Variants in KMT2B observed in about 807,000 individuals in gnomAD.
The protein encoded by KMT2B is lysine methyltransferase 2B.
KMT2B carries 22 observed loss-of-function variants against 255.3 expected under a neutral mutation model. That is an observed-to-expected ratio of 0.09 (90% confidence interval 0.06 to 0.12). The LOEUF (loss-of-function observed/expected upper bound fraction) is 0.12, where lower values mean the gene tolerates loss of function less well. Among genes scored for constraint, KMT2B ranks in the 10% least tolerant of loss-of-function variants. The pLI is 1.00. For missense variants in KMT2B, 3,149 were observed against 3,737.0 expected, an observed-to-expected ratio of 0.84 and a Z score of 4.10; for synonymous variants, 1,730 against 1,498.1, an observed-to-expected ratio of 1.15 and a Z score of -3.57.
Position 35,721,221 on chromosome 19 carries a change from CTCCACCTCCCCCGG to C in KMT2B, c.1875_1888del (p.Pro627LeufsTer44). The C allele has an allele frequency of 1.3e-6, 2 of 1,492,350 alleles. No homozygotes were observed. Among genetic ancestry groups the C allele is most frequent in the Non-Finnish European group, 1.8e-6 (2 of 1,108,078 alleles). The allele number at this position is 1,492,350 out of a possible 1,614,324, so 92.4% of individuals were successfully genotyped here. A position where few individuals can be genotyped will look rare whatever the true frequency, so the allele number is the denominator to read the frequency against. ...GAGCTGCCCCCTCCTCCCCCAGCCCCTCCACCTCCCCCGGCCCCCTCCCCACCCCCTGCTCCTGC... is the reference window on the plus strand; with the variant it reads ...GAGCTGCCCCCTCCTCCCCCAGCCCCCCCCCTCCCCACCCCCTGCTCCTGC... On this transcript the variant is annotated frameshift_variant, in exon 3 of 37. Transcript: ENST00000420124. LOFTEE classifies it high-confidence loss of function.
At chr19:35,722,924 A>G (rs1389314000) in intron 5 of KMT2B, 71 bp from the exon 6 acceptor site, 1 of 1,460,642 alleles carries the variant, frequency 6.8e-7, no homozygotes, top group African/African-American at 1.4e-5. Flanking sequence ...AGGTTGTGGG[A>G]AAGCAGGGAA....
At position 35,722,559 on chromosome 19, in the gene KMT2B, C is replaced by T. The variant is rs11084828; in HGVS notation, c.2572-9C>T. 233,122 of 1,597,962 alleles carry T rather than the reference C, an allele frequency of 0.15. 17,953 individuals are homozygous for T. The highest frequency in any genetic ancestry group is 0.26 in the South Asian group (22,928 of 89,716). ...AAGCTGCCCACACACACTCCGATTT[C>T]TCCCCCAGGGTCCCGAGTCCCCTGT... is the stretch of plus-strand genomic sequence containing the variant. On this transcript the variant is annotated splice_polypyrimidine_tract_variant and intron_variant, in intron 4 of 36. Coordinates refer to ENST00000420124, the MANE Select transcript of KMT2B (RefSeq NM_014727.3).
Position 35,738,224 on chromosome 19 carries a change from G to A in KMT2B, c.7872+33G>A. 2.5e-6 allele frequency: 4 copies of A among 1,613,464 alleles called. No individual in the cohort carries two copies. The highest frequency in any genetic ancestry group is 3.4e-6 in the Non-Finnish European group (4 of 1,179,642). On this transcript the variant is annotated intron_variant, in intron 36 of 36. Transcript: ENST00000420124. This position sits in a 1 kb window ranked among gnomAD's most constrained non-coding sequence, Gnocchi z 8.7. ...CCCAGTGGCTGTGGGAAGACAGTGG[G>A]TGAAGCGAGCCTGTCCGCGGGGACA...
intron 3 of KMT2B, 130 bp downstream of exon 3, chr19:35,721,934 A>G (rs1176309308): frequency 4.0e-6 from 5 of 1,247,860 alleles, no homozygotes; most frequent in African/African-American, 1.5e-5. Flanking sequence ...CCTTTCTGTG[A>G]TCCCCCACCT....
chr19:35,733,887 T>C lies in KMT2B; in HGVS notation c.7159+15T>C. 6.3e-7 allele frequency: 1 copy of C among 1,577,632 alleles called. No homozygotes were observed. Among genetic ancestry groups the C allele is most frequent in the South Asian group, 1.1e-5 (1 of 89,752 alleles). ...CCACTATTCAGGTAGGGACCGGCCT[T>C]GCCCTCTCCCTCCTTGCCTGTGCCT... is the stretch of plus-strand genomic sequence containing the variant. On this transcript the variant is annotated intron_variant, in intron 30 of 36. Coordinates refer to ENST00000420124, the MANE Select transcript of KMT2B (RefSeq NM_014727.3). The surrounding 1 kb of genome is among the most constrained non-coding windows in gnomAD (Gnocchi z 4.3).
rs1289594946 is a variant in KMT2B, at chr19:35,738,589, CT to C, written c.*33del. 1 of 1,597,770 alleles carries C rather than the reference CT, an allele frequency of 6.3e-7. No homozygotes were observed. The highest frequency in any genetic ancestry group is 8.5e-7 in the Non-Finnish European group (1 of 1,170,240). ...GGCTGCCCACCACGACCCCTCACAC[CT>C]CCTGCTGCCGTCGCTGCCATCTTGC... On this transcript the variant is annotated 3_prime_UTR_variant, in exon 37 of 37. Transcript: ENST00000420124. The surrounding 1 kb of genome is among the most constrained non-coding windows in gnomAD (Gnocchi z 8.7).
In KMT2B at chr19:35,728,997, A is replaced by G. The variant is rs1265798445; in HGVS notation, c.4700A>G (p.Lys1567Arg). ...ATTTCCTCTTCAGCATTCCAGGGCA[A>G]GGATCCGGCTGCCTTCTCACACCTG... is the stretch of plus-strand genomic sequence containing the variant. ...PGDPSAAFQG[K>R]DPAAFSHLED... is the part of the protein sequence containing the mutation. Residue 1567 changes from lysine (K) to arginine (R), a missense_variant, in exon 21 of 37, where the codon AAG becomes AGG. By Grantham distance (26) the Lys-to-Arg change is conservative. This residue lies in a region of KMT2B where 377 missense variants were observed against 471.0 expected (regional missense o/e 0.80). Coordinates refer to ENST00000420124, the MANE Select transcript of KMT2B (RefSeq NM_014727.3). 1 of 1,613,924 alleles carries G rather than the reference A, an allele frequency of 6.2e-7. No homozygotes were observed. The highest frequency in any genetic ancestry group is 1.7e-5 in the Admixed American group (1 of 60,018).
Position 35,732,919 on chromosome 19 carries a change from C to T in KMT2B, c.6370C>T (p.Pro2124Ser), listed in dbSNP as rs767450776. ...TTTTGTGTTGAAGAACCTAGGGGGT[C>T]CTGGGGATGGAGGTGCTGGCCCTAG... ...VDFVLKNLGG[P>S]GDGGAGPREE... The change falls in exon 28 of 37, where the codon CCT (proline) becomes TCT (serine). Residue 2124 changes from proline (P) to serine (S), a missense_variant. Physicochemically the swap from Pro to Ser is moderately conservative, Grantham distance 74. Coordinates refer to ENST00000420124, the MANE Select transcript of KMT2B (RefSeq NM_014727.3). 4 of 1,609,046 alleles carry T rather than the reference C, an allele frequency of 2.5e-6. No individual in the cohort carries two copies. Among genetic ancestry groups the T allele is most frequent in the African/African-American group, 2.7e-5 (2 of 74,852 alleles).
rs1969987778 is a variant in KMT2B at position 35,738,000 on chromosome 19, G to C, written c.7742+58G>C. The C allele has an allele frequency of 6.2e-7, 1 of 1,611,874 alleles. No homozygotes were observed. The highest frequency in any genetic ancestry group is 1.7e-5 in the Admixed American group (1 of 59,636). On this transcript the variant is annotated intron_variant, in intron 35 of 36. Transcript: ENST00000420124. This position sits in a 1 kb window ranked among gnomAD's most constrained non-coding sequence, Gnocchi z 5.3. ...GGTGGACGGACAGGTGCACTGGGTAGGGGGTACTGTCTGGTTTCTGTCCCC... is the reference window on the plus strand; with the variant it reads ...GGTGGACGGACAGGTGCACTGGGTACGGGGTACTGTCTGGTTTCTGTCCCC...
Position 35,720,919 on chromosome 19 carries a change from C to T in KMT2B, c.1572C>T (p.Ile524=). The T allele has an allele frequency of 6.2e-7, 1 of 1,610,484 alleles. No individual in the cohort carries two copies. Among genetic ancestry groups the T allele is most frequent in the Non-Finnish European group, 8.5e-7 (1 of 1,178,726 alleles). Residue 524 remains isoleucine (I), a synonymous_variant, in exon 3 of 37, where the codon ATC becomes ATT. Transcript: ENST00000420124. ...APKSTTFLKN[I]RQFIMPVVSA... ...AAAGCACCACCTTCCTGAAGAATATCCGGCAGTTTATTATGCCTGTGGTGA... is the reference window on the plus strand; with the variant it reads ...AAAGCACCACCTTCCTGAAGAATATTCGGCAGTTTATTATGCCTGTGGTGA...
chr19:35,738,349 C>T lies in KMT2B; in HGVS notation c.7940C>T (p.Ala2647Val). The T allele has an allele frequency of 6.2e-7, 1 of 1,613,910 alleles. No homozygotes were observed. Among genetic ancestry groups the T allele is most frequent in the Non-Finnish European group, 8.5e-7 (1 of 1,179,856 alleles). Residue 2647 changes from alanine to valine, a missense_variant, in exon 37 of 37, where the codon GCC becomes GTC. By Grantham distance (64) the Ala-to-Val change is moderately conservative. This residue lies in a region of KMT2B where 56 missense variants were observed against 238.8 expected (regional missense o/e 0.23). Coordinates refer to ENST00000420124, the MANE Select transcript of KMT2B (RefSeq NM_014727.3). The surrounding 1 kb of genome is among the most constrained non-coding windows in gnomAD (Gnocchi z 8.7). ...DVVDATMHGN[A>V]ARFINHSCEP... ...GTGGACGCCACGATGCATGGCAATG[C>T]CGCCCGCTTCATCAACCACTCCTGT...
Position 35,737,026 on chromosome 19 carries a change from C to G in KMT2B, c.7372+40C>G. ...CCACAGGGGGCAGGGAGCTGGATGT[C>G]TCCCCGAGGGCACCATGGGCCCTCC... On this transcript the variant is annotated intron_variant, in intron 32 of 36. Transcript: ENST00000420124. This position sits in a 1 kb window ranked among gnomAD's most constrained non-coding sequence, Gnocchi z 5.3. The G allele has an allele frequency of 1.2e-6, 2 of 1,610,534 alleles. No homozygotes were observed. Among genetic ancestry groups the G allele is most frequent in the South Asian group, 2.2e-5 (2 of 90,694 alleles).
At position 35,724,696 on chromosome 19, in the gene KMT2B, G is replaced by A; in HGVS notation, c.3394G>A (p.Val1132Met). The A allele has an allele frequency of 1.9e-6, 3 of 1,600,668 alleles. No individual in the cohort carries two copies. Among genetic ancestry groups the A allele is most frequent in the Non-Finnish European group, 2.6e-6 (3 of 1,173,996 alleles). The change falls in exon 9 of 37, where the codon GTG becomes ATG. Residue 1132 changes from valine (V) to methionine (M), a missense_variant. Val to Met is a conservative substitution (Grantham distance 21). Around this residue, in one of 18 missense-constraint regions of KMT2B, gnomAD observed 136 missense variants for 137.3 expected, o/e 0.99. Coordinates refer to ENST00000420124, the MANE Select transcript of KMT2B (RefSeq NM_014727.3). ...SRPRKPTLQPVLQLKARRRLD... is the reference protein window; with the variant it reads ...SRPRKPTLQPMLQLKARRRLD... The stretch of plus-strand genomic sequence containing the variant: ...GCCCCGCAAACCTACCCTGCAGCCT[G>A]TGTTGCAGCTCAAGGCCCGAAGGCG...
chr19:35,733,449 G>A lies in KMT2B; in HGVS notation c.6900G>A (p.Leu2300=). 6.4e-7 allele frequency: 1 copy of A among 1,559,884 alleles called. No individual in the cohort carries two copies. The highest frequency in any genetic ancestry group is 8.7e-7 in the Non-Finnish European group (1 of 1,152,234). ...CTCCCCCATACAAAGCCCCCCGGCT[G>A]GATGAAGATGGAGAGGCCTCAGAGG... ...PAPPPYKAPR[L]DEDGEASEDT... Residue 2300 remains leucine (L), a synonymous_variant, in exon 28 of 37, where the codon CTG becomes CTA. Coordinates refer to ENST00000420124, the MANE Select transcript of KMT2B (RefSeq NM_014727.3). This position sits in a 1 kb window ranked among gnomAD's most constrained non-coding sequence, Gnocchi z 4.3.
chr19:35,719,605 G>C (rs544931926), intron 2 of KMT2B, 64 bp downstream of exon 2: 8 of 1,529,394 alleles, frequency 5.2e-6, no homozygotes, highest in African/African-American at 4.1e-5. Context: ...CTTCGTGTCA[G>C]CTCTTCCCTG....
intron 3 of KMT2B, among the ~76,000 whole-genome samples, chr19:35,722,112 C>A (rs186359286): frequency 6.6e-6 from 1 of 151,750 alleles, no homozygotes; most frequent in Admixed American, 6.6e-5. Context: ...TCAAGAGATT[C>A]TCCTGCCTCA....
chr19:35,723,526 C>G lies in KMT2B; in HGVS notation c.3058+24C>G. ...AGGTGACGAGCTTTAAGGAGCATTT[C>G]TTCTCAAAACCGTGTTAGAGTTTGT... On this transcript the variant is annotated intron_variant, in intron 7 of 36. Coordinates refer to ENST00000420124, the MANE Select transcript of KMT2B (RefSeq NM_014727.3). The surrounding 1 kb of genome is among the most constrained non-coding windows in gnomAD (Gnocchi z 7.5). 1 of 1,552,848 alleles carries G rather than the reference C, an allele frequency of 6.4e-7. No individual in the cohort carries two copies. Among genetic ancestry groups the G allele is most frequent in the Non-Finnish European group, 8.7e-7 (1 of 1,148,074 alleles).
At chr19:35,730,252 C>T (rs1267623348) in intron 23 of KMT2B, 90 bp from the exon 24 acceptor site, 2 of 1,597,114 alleles carry the variant, frequency 1.3e-6, no homozygotes, top group Admixed American at 1.7e-5. Context: ...TCCCAGAGGC[C>T]TTTAGGCCAA....
intron 27 of KMT2B, 22 bp downstream of exon 27, chr19:35,732,157 G>A: frequency 1.3e-6 from 2 of 1,574,054 alleles, no homozygotes; most frequent in Non-Finnish European, 1.7e-6. Flanking sequence ...GCATGTGGGG[G>A]TTGGGGGTGG....
Sources: gnomAD v4.1 joint callset for allele counts (sites outside exome capture counted in the v4.1 genomes callset) on GRCh38, gnomAD v4.1.1 for gene constraint, gnomAD v4.1.1 regional missense constraint, Gnocchi (gnomAD v3.1) non-coding constraint, MANE v1.5 for transcripts, NCBI Gene and HGNC (gene_info 2026-07-23, HGNC 2026-07-21) for gene names.